The following COX7B2 variants were observed in gnomAD, a reference collection of about 807,000 sequenced individuals.
COX7B2 encodes cytochrome c oxidase subunit 7B2.
For synonymous variants in COX7B2, 37 were observed against 32.1 expected, an observed-to-expected ratio of 1.15 and a Z score of -0.51; for missense variants, 109 against 95.9, an observed-to-expected ratio of 1.14 and a Z score of -0.57.
At chr4:46,818,163 C>T (rs973786026) in intron 2 of COX7B2, among the ~76,000 whole-genome samples, 1 of 152,154 alleles carries the variant, frequency 6.6e-6, no homozygotes. Context: ...TATGTCAATT[C>T]TCAATTAATC....
intron 2 of COX7B2, among the ~76,000 whole-genome samples, chr4:46,839,778 G>A (rs369971692): frequency 1.3e-5 from 2 of 151,960 alleles, no homozygotes; most frequent in African/African-American, 2.4e-5. Flanking sequence ...TCATAAGACT[G>A]AAAGCCATTT....
chr4:46,843,489 G>C (rs1716073147), intron 2 of COX7B2, among the ~76,000 whole-genome samples: 2 of 151,848 alleles, frequency 1.3e-5, no homozygotes, highest in Non-Finnish European at 2.9e-5. Flanking sequence ...TTCAAACACA[G>C]GTCTACTAAG....
chr4:46,749,787 T>C (rs540659058), intron 2 of COX7B2, among the ~76,000 whole-genome samples: 39 of 152,306 alleles, frequency 2.6e-4, no homozygotes, highest in African/African-American at 9.1e-4. Context: ...TCAGGCCTAA[T>C]GCTTTCATAG....
intron 2 of COX7B2, among the ~76,000 whole-genome samples, chr4:46,776,349 C>A (rs1717151380): frequency 6.6e-6 from 1 of 151,290 alleles, no homozygotes; most frequent in South Asian, 2.1e-4. Context: ...TCCTAATGGC[C>A]ATAAGAGGTC....
chr4:46,750,673 C>T (rs1715315981), intron 2 of COX7B2, among the ~76,000 whole-genome samples: 2 of 152,072 alleles, frequency 1.3e-5, no homozygotes, highest in African/African-American at 4.8e-5. Context: ...AATACTAGAG[C>T]CTGCATGGCT....
At chr4:46,761,320 G>A (rs12511771) in intron 2 of COX7B2, among the ~76,000 whole-genome samples, 49,916 of 151,954 alleles carry the variant, frequency 0.33, 8,453 homozygotes, top group South Asian at 0.47. Context: ...AGTGCAATGT[G>A]GTTTCCTGCT....
chr4:46,764,009 T>C (rs1459866620), intron 2 of COX7B2, among the ~76,000 whole-genome samples: 2 of 152,144 alleles, frequency 1.3e-5, no homozygotes, highest in African/African-American at 4.8e-5. Context: ...ATTAAAAATA[T>C]GGCTATGAAC....
chr4:46,842,193 T>C (rs1016747966), intron 2 of COX7B2, among the ~76,000 whole-genome samples: 1 of 152,004 alleles, frequency 6.6e-6, no homozygotes, highest in Non-Finnish European at 1.5e-5. Flanking sequence ...CAAAACTTCA[T>C]AGAAGAATAA....
Position 46,767,390 on chromosome 4 carries a change from T to A in COX7B2, c.-49-32149A>T, listed in dbSNP as rs551133738. Among the ~76,000 whole-genome samples, 6 of 152,162 alleles carry A rather than the reference T, an allele frequency of 3.9e-5. No individual in the cohort carries two copies. The East Asian group carries it at 5.8e-4, about 15-fold the overall frequency. On this transcript the variant is annotated intron_variant, in intron 2 of 2. Coordinates refer to ENST00000355591, the MANE Select transcript of COX7B2 (RefSeq NM_130902.3). ...AAAAATTTACACAACTGAAGGGAAA[T>A]AGACAATACAATAACAGTAAGGAAC... is the stretch of plus-strand genomic sequence containing the variant.
At chr4:46,812,115 G>C (rs186025777) in intron 2 of COX7B2, among the ~76,000 whole-genome samples, 18 of 152,250 alleles carry the variant, frequency 1.2e-4, no homozygotes, top group African/African-American at 4.3e-4. Context: ...ATATAATACA[G>C]TAGCACTGGA....
At position 46,754,718 on chromosome 4, in the gene COX7B2, G is replaced by A. The variant is rs1177885535; in HGVS notation, c.-49-19477C>T. 9.0e-3 allele frequency among the ~76,000 whole-genome samples: 314 copies of A among 34,872 alleles called. 8 individuals are homozygous for A. Among genetic ancestry groups the A allele is most frequent in the African/African-American group, 0.042 (256 of 6,102 alleles). The allele number at this position is 34,872 out of a possible 152,430, so 22.9% of individuals were successfully genotyped here. On this transcript the variant is annotated intron_variant, in intron 2 of 2. Coordinates refer to ENST00000355591, the MANE Select transcript of COX7B2 (RefSeq NM_130902.3). ...AATACGTGTGTGTGTGTGTGTGTGT[G>A]TGTGTGTGTGTATATATATATATAT...
rs1458263879 is a variant in COX7B2 at position 46,735,079 on chromosome 4, A to G, written c.114T>C (p.Tyr38=). 4 of 1,614,010 alleles carry G rather than the reference A, an allele frequency of 2.5e-6. No individual in the cohort carries two copies. The highest frequency in any genetic ancestry group is 2.5e-6 in the Non-Finnish European group (3 of 1,179,954). ...TTCCACTGGCTAGCACAGCATTACC[A>G]TATTTATCATGAAAATCTGGTGAGT... The part of the protein sequence containing the change: ...VKHSPDFHDK[Y]GNAVLASGTA... Residue 38 remains tyrosine, a synonymous_variant, in exon 3 of 3, where the codon TAT becomes TAC. Transcript: ENST00000355591.
At chr4:46,859,017 CT>C (rs1341885477) in intron 1 of COX7B2, among the ~76,000 whole-genome samples, 1 of 152,176 alleles carries the variant, frequency 6.6e-6, no homozygotes, top group Non-Finnish European at 1.5e-5. Context: ...GATCTGTCAA[CT>C]TACGATGTAA....
chr4:46,871,081 G>C (rs1454101847), intron 1 of COX7B2, among the ~76,000 whole-genome samples: 1 of 151,946 alleles, frequency 6.6e-6, no homozygotes, highest in East Asian at 1.9e-4. Flanking sequence ...TATGTTGCTA[G>C]ACTTCCAACT....
intron 1 of COX7B2, among the ~76,000 whole-genome samples, chr4:46,881,000 A>AAAAAAAAAAAAT (rs1718695228): frequency 6.6e-6 from 1 of 151,264 alleles, no homozygotes; most frequent in Admixed American, 6.6e-5. Flanking sequence ...TAATAAAAAA[A>AAAAAAAAAAAAT]AAAAAAAAAA....
At chr4:46,797,475 T>C (rs1308878000) in intron 2 of COX7B2, among the ~76,000 whole-genome samples, 4 of 152,212 alleles carry the variant, frequency 2.6e-5, no homozygotes, top group Admixed American at 6.5e-5. Context: ...TTGGAACGGA[T>C]ATGCTCAGCA....
intron 1 of COX7B2, among the ~76,000 whole-genome samples, chr4:46,890,665 T>C (rs954680088): frequency 6.6e-6 from 1 of 152,132 alleles, no homozygotes; most frequent in Non-Finnish European, 1.5e-5. Flanking sequence ...ACAAACCATA[T>C]GAACATTTGG....
intron 1 of COX7B2, among the ~76,000 whole-genome samples, chr4:46,887,867 G>GA (rs1168864262): frequency 1.3e-5 from 2 of 151,892 alleles, no homozygotes; most frequent in East Asian, 1.9e-4. Context: ...CCTCTAAAAT[G>GA]AAAAAAAGGT....
chr4:46,842,767 T>C (rs1716020795), intron 2 of COX7B2, among the ~76,000 whole-genome samples: 1 of 152,158 alleles, frequency 6.6e-6, no homozygotes, highest in Non-Finnish European at 1.5e-5. Flanking sequence ...TTCCATGGTG[T>C]ATATGTGCCA....
Sources: allele counts gnomAD v4.1 joint callset (sites outside exome capture counted in the v4.1 genomes callset), GRCh38; gene constraint gnomAD v4.1.1; transcripts MANE v1.5; gene names NCBI Gene and HGNC (gene_info 2026-07-23, HGNC 2026-07-21).